Variants in KIAA0586 observed in about 807,000 individuals in gnomAD.
KIAA0586 encodes the protein protein TALPID3.
A neutral mutation model predicts 169.8 loss-of-function variants in KIAA0586; 144 were observed. That is an observed-to-expected ratio of 0.85 (90% CI 0.74 to 0.97). KIAA0586 has a LOEUF of 0.97. Ranked by LOEUF, KIAA0586 falls within the 50% of genes least tolerant of loss-of-function variation. The pLI is 0.00. For synonymous variants in KIAA0586, 625 were observed against 612.4 expected, an observed-to-expected ratio of 1.02 and a Z score of -0.30; for missense variants, 1,854 against 1,823.0, an observed-to-expected ratio of 1.02 and a Z score of -0.31.
At chr14:58,452,365 A>G (rs891951112) in intron 8 of KIAA0586, among the ~76,000 whole-genome samples, 5 of 152,242 alleles carry the variant, frequency 3.3e-5, no homozygotes, top group Admixed American at 2.6e-4. Flanking sequence ...ATTAAACTAA[A>G]CACTTTAATT....
In KIAA0586 at chr14:58,456,685, A is replaced by T. The variant is rs770535089; in HGVS notation, c.1254-17A>T. 1.4e-6 allele frequency: 2 copies of T among 1,441,262 alleles called. No homozygotes were observed. The highest frequency in any genetic ancestry group is 4.6e-5 in the East Asian group (2 of 43,414). 89.3% of individuals were successfully genotyped at this position (1,441,262 alleles called of 1,614,324 possible). A position where few individuals can be genotyped will look rare whatever the true frequency, so the allele number is the denominator to read the frequency against. On this transcript the variant is annotated splice_polypyrimidine_tract_variant and intron_variant, in intron 9 of 30. Transcript: ENST00000652326. The stretch of plus-strand genomic sequence containing the variant: ...TTCAAAAATCTTCTGTAGCGTTGAA[A>T]CTCTACCTTCTCAAAGATTTCCTTC...
At chr14:58,451,165 AT>A (rs1385186714) in intron 8 of KIAA0586, among the ~76,000 whole-genome samples, 1 of 151,392 alleles carries the variant, frequency 6.6e-6, no homozygotes, top group African/African-American at 2.4e-5. Context: ...AATTTTTTGT[AT>A]TTTTAGTAAA....
At chr14:58,508,456 C>A in intron 27 of KIAA0586, 99 bp from the exon 28 acceptor site, 1 of 885,708 alleles carries the variant, frequency 1.1e-6, no homozygotes, top group Non-Finnish European at 1.7e-6. Context: ...TCTAATTCAG[C>A]AGGTGAGAAA....
chr14:58,553,309 G>C (rs1288466625), downstream of KIAA0586, among the ~76,000 whole-genome samples: 2 of 152,136 alleles, frequency 1.3e-5, no homozygotes, highest in African/African-American at 4.8e-5. Context: ...TTTGAGTGTT[G>C]CCTGGAGCTA....
chr14:58,557,664 C>CT, the KIAA0586 span, among the ~76,000 whole-genome samples: 1 of 151,990 alleles, frequency 6.6e-6, no homozygotes, highest in Non-Finnish European at 1.5e-5. Context: ...AGCCACCAGA[C>CT]TGAGAGATTT....
chr14:58,440,948 TAATG>T (rs2038292330), intron 4 of KIAA0586: 1 of 165,038 alleles, frequency 6.1e-6, no homozygotes, highest in Non-Finnish European at 1.3e-5. Context: ...TGGTTAATAA[TAATG>T]AATTGTATAC....
chr14:58,439,809 A>G, intron 4 of KIAA0586: 1 of 983,374 alleles, frequency 1.0e-6, no homozygotes, highest in Non-Finnish European at 1.2e-6. Flanking sequence ...TGATGCCCTT[A>G]AAAGTCGACG....
chr14:58,534,705 G>A (rs1168253011), intron 29 of KIAA0586, among the ~76,000 whole-genome samples: 2 of 152,118 alleles, frequency 1.3e-5, no homozygotes, highest in African/African-American at 4.8e-5. Context: ...CAGCAGTACG[G>A]CCTATGACTT....
intron 21 of KIAA0586, among the ~76,000 whole-genome samples, chr14:58,485,756 C>G (rs1298207959): frequency 6.6e-6 from 1 of 152,180 alleles, no homozygotes; most frequent in Non-Finnish European, 1.5e-5. Flanking sequence ...CCAGTACTTT[C>G]CATCTCCCTG....
chr14:58,475,250 A>G (rs2041518457), intron 19 of KIAA0586, among the ~76,000 whole-genome samples: 1 of 152,198 alleles, frequency 6.6e-6, no homozygotes, highest in Admixed American at 6.5e-5. Flanking sequence ...CAGCTGTGGC[A>G]TTAGATTTCA....
chr14:58,472,308 T>G, intron 18 of KIAA0586, 29 bp downstream of exon 18: 1 of 1,309,696 alleles, frequency 7.6e-7, no homozygotes, highest in Admixed American at 2.7e-5. Context: ...CATGAGAAAT[T>G]ATTTTTCTAC....
At chr14:58,536,361 AT>A (rs2046290955) in intron 29 of KIAA0586, among the ~76,000 whole-genome samples, 1 of 151,960 alleles carries the variant, frequency 6.6e-6, no homozygotes, top group Non-Finnish European at 1.5e-5. Flanking sequence ...ATGTGTACCC[AT>A]TGTTTAGCTC....
At chr14:58,452,610 G>A (rs935357756) in intron 8 of KIAA0586, among the ~76,000 whole-genome samples, 39 of 152,238 alleles carry the variant, frequency 2.6e-4, no homozygotes, top group African/African-American at 9.1e-4. Context: ...ACTGGACTTC[G>A]TGATGATGAC....
rs530533823 is a variant in KIAA0586 at position 58,508,471 on chromosome 14, G to C, written c.4169-84G>C. 1.2e-5 allele frequency: 12 copies of C among 1,030,426 alleles called. No homozygotes were observed. The South Asian group carries it at 1.9e-4, about 17-fold the overall frequency. The allele number at this position is 1,030,426 out of a possible 1,614,324, so 63.8% of individuals were successfully genotyped here. A position where few individuals can be genotyped will look rare whatever the true frequency, so the allele number is the denominator to read the frequency against. ...TCTAATTCAGCAGGTGAGAAATATT[G>C]GTGGTTTTAGTCAACTACTTGTTCA... On this transcript the variant is annotated intron_variant, in intron 27 of 30. Coordinates refer to ENST00000652326, the MANE Select transcript of KIAA0586 (RefSeq NM_001329943.3).
intron 27 of KIAA0586, among the ~76,000 whole-genome samples, chr14:58,501,981 G>T (rs1255025408): frequency 2.6e-5 from 4 of 152,136 alleles, no homozygotes; most frequent in Non-Finnish European, 5.9e-5. Flanking sequence ...GCTTGACTAG[G>T]GTTGAAGGAT....
chr14:58,473,574 G>A (rs1566855029), intron 18 of KIAA0586, among the ~76,000 whole-genome samples: 1 of 152,152 alleles, frequency 6.6e-6, no homozygotes, highest in Non-Finnish European at 1.5e-5. Context: ...AGTGTATTTT[G>A]CATTGTTATA....
chr14:58,487,301 C>A, intron 22 of KIAA0586, 135 bp downstream of exon 22: 1 of 797,056 alleles, frequency 1.3e-6, no homozygotes, highest in Non-Finnish European at 1.9e-6. Context: ...TTGATTGCGA[C>A]TTCTTAAAAG....
the KIAA0586 span, among the ~76,000 whole-genome samples, chr14:58,557,880 G>C: frequency 8.4e-6 from 1 of 118,798 alleles, no homozygotes; most frequent in Non-Finnish European, 1.8e-5. Context: ...GAAAGCTCTT[G>C]TAAGGGCAAT....
At chr14:58,427,694 G>A, upstream of KIAA0586, 5 of 1,535,478 alleles carry the variant, frequency 3.3e-6, no homozygotes, top group Non-Finnish European at 4.4e-6. Context: ...GAAGGGAAGT[G>A]GGTGTTGACC....
Sources: gnomAD v4.1 joint callset for allele counts (sites outside exome capture counted in the v4.1 genomes callset) on GRCh38, gnomAD v4.1.1 for gene constraint, MANE v1.5 for transcripts, NCBI Gene and HGNC (gene_info 2026-07-23, HGNC 2026-07-21) for gene names.